The following XIRP2 variants were observed in gnomAD, a reference collection of about 807,000 sequenced individuals.
XIRP2 encodes xin actin binding repeat containing 2.
Under a neutral mutation model 277.0 loss-of-function variants are expected in XIRP2, and 236 were observed. That is an observed-to-expected ratio of 0.85 (90% CI 0.77 to 0.95). The LOEUF (loss-of-function observed/expected upper bound fraction) is 0.95. Ranked by LOEUF, XIRP2 falls within the 40% of genes least tolerant of loss-of-function variation. XIRP2 has a pLI of 0.00. For missense variants in XIRP2, 4,640 were observed against 4,157.5 expected, an observed-to-expected ratio of 1.12 and a Z score of -3.19; for synonymous variants, 1,490 against 1,416.5, an observed-to-expected ratio of 1.05 and a Z score of -1.17.
intron 3 of XIRP2, among the ~76,000 whole-genome samples, chr2:167,173,130 C>G (rs1692744113): frequency 6.6e-6 from 1 of 152,186 alleles, no homozygotes; most frequent in Admixed American, 6.5e-5. Context: ...GTGTTAAAAA[C>G]AACCCAATTA....
At chr2:167,037,323 A>G (rs1000747189) in intron 2 of XIRP2, among the ~76,000 whole-genome samples, 1 of 152,172 alleles carries the variant, frequency 6.6e-6, no homozygotes, top group East Asian at 1.9e-4. Context: ...CAAGTCTTAA[A>G]AGATTTAAAT....
intron 4 of XIRP2, among the ~76,000 whole-genome samples, chr2:167,217,150 G>A (rs1166136528): frequency 4.8e-5 from 6 of 124,832 alleles, no homozygotes; most frequent in Non-Finnish European, 1.0e-4. Context: ...GGGGGAGGGG[G>A]AAGGGGTAGC....
rs374953132 is a variant in XIRP2 at position 167,201,344 on chromosome 2, AGAAG to A, written c.563-9373_563-9370del. Among the ~76,000 whole-genome samples the A allele has an allele frequency of 1.1e-3, 118 of 103,168 alleles. 2 individuals are homozygous for A. The highest frequency in any genetic ancestry group is 3.2e-3 in the African/African-American group (73 of 22,996). 67.7% of individuals were successfully genotyped at this position (103,168 alleles called of 152,430 possible). ...ACGAAGGAAGGAAGGAAGGAAGGAAAGAAGGAAGGAAGGAAGGAAGGGGAAGGAA... is the reference window on the plus strand; with the variant it reads ...ACGAAGGAAGGAAGGAAGGAAGGAAAGAAGGAAGGAAGGAAGGGGAAGGAA... On this transcript the variant is annotated intron_variant, in intron 3 of 10. Coordinates refer to ENST00000409195, the MANE Select transcript of XIRP2 (RefSeq NM_152381.6).
intron 2 of XIRP2, among the ~76,000 whole-genome samples, chr2:166,951,736 T>C (rs1438823663): frequency 6.6e-6 from 1 of 152,022 alleles, no homozygotes. Context: ...CATTTCACAA[T>C]CTAGCCCCAA....
Position 166,975,713 on chromosome 2 carries a change from CAGG to C in XIRP2, c.408+71826_408+71828del, listed in dbSNP as rs568282039. ...GGCCAAGGCGGGCAGATCACGAGGT[CAGG>C]AGATCGAGACCATCCTGGCTAACAC... On this transcript the variant is annotated intron_variant, in intron 2 of 10. Transcript: ENST00000409195. Among the ~76,000 whole-genome samples the C allele has an allele frequency of 8.5e-4, 129 of 151,966 alleles. 1 individual carries two copies. The highest frequency in any genetic ancestry group is 3.0e-3 in the African/African-American group (123 of 41,466).
chr2:167,234,856 T>C (rs1463158749), intron 5 of XIRP2, among the ~76,000 whole-genome samples: 1 of 151,864 alleles, frequency 6.6e-6, no homozygotes, highest in Non-Finnish European at 1.5e-5. Context: ...TATCTCAACA[T>C]AGTTATTCAA....
intron 3 of XIRP2, among the ~76,000 whole-genome samples, chr2:167,170,240 G>A (rs558932056): frequency 6.6e-5 from 10 of 151,940 alleles, no homozygotes; most frequent in Non-Finnish European, 1.5e-4. Flanking sequence ...TTATGCTCAG[G>A]AGAAATATTG....
At chr2:167,042,722 A>T (rs529111607) in intron 2 of XIRP2, among the ~76,000 whole-genome samples, 1 of 152,280 alleles carries the variant, frequency 6.6e-6, no homozygotes, top group East Asian at 1.9e-4. Flanking sequence ...GTTTGTAAAG[A>T]CCTATGAAGA....
chr2:167,015,742 C>A (rs1687807736), intron 2 of XIRP2, among the ~76,000 whole-genome samples: 1 of 151,568 alleles, frequency 6.6e-6, no homozygotes, highest in Admixed American at 6.6e-5. Context: ...AGGTTAAGTA[C>A]CCTGGAGAAG....
chr2:166,975,930 C>CAAAAAAA lies in XIRP2; in HGVS notation c.408+72065_408+72071dup, dbSNP rs550529718. The stretch of plus-strand genomic sequence containing the variant: ...TGGGTGACAGAGCGAGACTCCGTCT[C>CAAAAAAA]AAAAAAAAAAAAAAAAAAAAAAAAA... On this transcript the variant is annotated intron_variant, in intron 2 of 10. Coordinates refer to ENST00000409195, the MANE Select transcript of XIRP2 (RefSeq NM_152381.6). 6.7e-3 allele frequency among the ~76,000 whole-genome samples: 305 copies of CAAAAAAA among 45,712 alleles called. 21 individuals carry two copies. Among genetic ancestry groups the CAAAAAAA allele is most frequent in the East Asian group, 0.02 (34 of 1,708 alleles). 30.0% of individuals were successfully genotyped at this position (45,712 alleles called of 152,430 possible). A position where few individuals can be genotyped will look rare whatever the true frequency, so the allele number is the denominator to read the frequency against.
At chr2:167,214,130 G>C (rs112698795) in intron 4 of XIRP2, among the ~76,000 whole-genome samples, 6 of 112,714 alleles carry the variant, frequency 5.3e-5, no homozygotes, top group African/African-American at 1.6e-4. Context: ...AGGAAGGAAG[G>C]AAGGAAGCAA....
At chr2:166,954,151 A>G (rs989223284) in intron 2 of XIRP2, among the ~76,000 whole-genome samples, 2 of 151,962 alleles carry the variant, frequency 1.3e-5, no homozygotes, top group African/African-American at 4.8e-5. Context: ...AAGCTAAACC[A>G]TGCAAAACAA....
chr2:166,930,649 A>G (rs1261948546), intron 2 of XIRP2, among the ~76,000 whole-genome samples: 1 of 152,186 alleles, frequency 6.6e-6, no homozygotes, highest in Non-Finnish European at 1.5e-5. Flanking sequence ...TTCCTGATTG[A>G]CACTAATATA....
rs548898037 is a variant in XIRP2 at position 167,200,982 on chromosome 2, C to T, written c.563-9753C>T. Among the ~76,000 whole-genome samples, 10 of 151,864 alleles carry T rather than the reference C, an allele frequency of 6.6e-5. No homozygotes were observed. The South Asian group carries it at 1.0e-3, about 16-fold the overall frequency. On this transcript the variant is annotated intron_variant, in intron 3 of 10. Transcript: ENST00000409195. ...CTCTACTAAAACTACAAAAATTAGC[C>T]GGGTGTGGTGGCGGGTGCCTGTAAT...
chr2:167,015,379 T>C (rs1687791830), intron 2 of XIRP2, among the ~76,000 whole-genome samples: 1 of 151,754 alleles, frequency 6.6e-6, no homozygotes, highest in Non-Finnish European at 1.5e-5. Context: ...TAATATCTAC[T>C]AAGTACCTAT....
rs373164678 is a variant in XIRP2, at chr2:167,245,925, A to T, written c.4533A>T (p.Lys1511Asn). ...SIMEAHKGIT[K>N]MTKEEIPPSD... ...TGGAAGCACATAAAGGTATCACAAA[A>T]ATGACCAAGGAAGAAATCCCTCCTT... Residue 1511 changes from lysine to asparagine, a missense_variant, in exon 9 of 11, where the codon AAA (lysine) becomes AAT (asparagine). By Grantham distance (94) the Lys-to-Asn change is moderately conservative (BLOSUM62 0). Transcript: ENST00000409195. 3 of 1,613,768 alleles carry T rather than the reference A, an allele frequency of 1.9e-6. No homozygotes were observed. The highest frequency in any genetic ancestry group is 2.5e-6 in the Non-Finnish European group (3 of 1,179,786).
chr2:167,024,019 G>A (rs928893774), intron 2 of XIRP2, among the ~76,000 whole-genome samples: 11 of 151,916 alleles, frequency 7.2e-5, no homozygotes, highest in African/African-American at 2.2e-4. Context: ...TGATGGGGAT[G>A]GCATTGAATC....
Position 167,259,041 on chromosome 2 carries a change from A to C in XIRP2, c.*1224A>C, listed in dbSNP as rs1241496256. 2 of 1,610,240 alleles carry C rather than the reference A, an allele frequency of 1.2e-6. No homozygotes were observed. The highest frequency in any genetic ancestry group is 1.7e-6 in the Non-Finnish European group (2 of 1,177,620). On this transcript the variant is annotated 3_prime_UTR_variant, in exon 11 of 11. Transcript: ENST00000409195. ...AAAGGAAGCCATTCAAAGAGCAAAA[A>C]TTTACACTTTTTCTTTTCTAACACC...
At chr2:167,164,928 CAT>C (rs1455596488) in intron 3 of XIRP2, among the ~76,000 whole-genome samples, 1 of 152,112 alleles carries the variant, frequency 6.6e-6, no homozygotes, top group Non-Finnish European at 1.5e-5. Flanking sequence ...TTTGGACAAA[CAT>C]AAAACAATAT....
Sources: allele counts gnomAD v4.1 joint callset (sites outside exome capture counted in the v4.1 genomes callset), GRCh38; gene constraint gnomAD v4.1.1; transcripts MANE v1.5; gene names NCBI Gene and HGNC (gene_info 2026-07-23, HGNC 2026-07-21).